TCERG1L: variants seen among roughly 807,000 people sequenced by gnomAD.
The protein encoded by TCERG1L is transcription elongation regulator 1-like protein.
TCERG1L carries 37 observed loss-of-function variants against 56.3 expected under a neutral mutation model. The ratio of observed to expected loss-of-function variants is 0.66; its 90% CI spans 0.51 to 0.87. The LOEUF (loss-of-function observed/expected upper bound fraction) is 0.87, where lower values mean the gene tolerates loss of function less well. Among genes scored for constraint, TCERG1L ranks in the 40% least tolerant of loss-of-function variants. The probability of loss-of-function intolerance (pLI) is 0.00; values close to 1 mark genes in which losing one functional copy is unlikely to be tolerated. For missense variants in TCERG1L, 799 were observed against 774.2 expected, an observed-to-expected ratio of 1.03 and a Z score of -0.38; for synonymous variants, 324 against 326.3, an observed-to-expected ratio of 0.99 and a Z score of 0.08.
intron 3 of TCERG1L, among the ~76,000 whole-genome samples, chr10:131,294,313 C>T (rs533007556): frequency 6.1e-4 from 93 of 152,240 alleles, no homozygotes; most frequent in South Asian, 2.5e-3. Context: ...CACTCTACAG[C>T]GCCACACAGT....
intron 3 of TCERG1L, among the ~76,000 whole-genome samples, chr10:131,278,521 T>C (rs548884014): frequency 6.6e-6 from 1 of 151,226 alleles, no homozygotes; most frequent in Non-Finnish European, 1.5e-5. Flanking sequence ...TTTTGTATTG[T>C]TAGTAGAGAC....
intron 4 of TCERG1L, among the ~76,000 whole-genome samples, chr10:131,257,041 G>GAA (rs1408681239): frequency 4.1e-4 from 57 of 137,926 alleles, no homozygotes; most frequent in African/African-American, 1.6e-3. Context: ...AAGAAAGAAA[G>GAA]AAAGAAAGAA....
chr10:131,258,232 G>A (rs193163073), intron 4 of TCERG1L, among the ~76,000 whole-genome samples: 2 of 152,348 alleles, frequency 1.3e-5, no homozygotes, highest in East Asian at 1.9e-4. Context: ...TGCTCCCATC[G>A]TTCTGTGGGC....
At chr10:131,134,780 C>T (rs1020648039) in intron 7 of TCERG1L, among the ~76,000 whole-genome samples, 22 of 152,154 alleles carry the variant, frequency 1.4e-4, no homozygotes, top group African/African-American at 5.1e-4. Context: ...ATGAGCAAAT[C>T]TATGTCATGT....
chr10:131,149,129 G>C (rs1002283033), intron 6 of TCERG1L, among the ~76,000 whole-genome samples: 1 of 152,258 alleles, frequency 6.6e-6, no homozygotes, highest in Non-Finnish European at 1.5e-5. Flanking sequence ...CTTCAGATGG[G>C]GGGTGGAATG....
intron 7 of TCERG1L, among the ~76,000 whole-genome samples, chr10:131,137,036 A>T (rs535992104): frequency 1.3e-5 from 2 of 152,058 alleles, no homozygotes; most frequent in East Asian, 4.0e-4. Flanking sequence ...GCTACTCAGG[A>T]GGCTGAGGCA....
chr10:131,308,089 G>A (rs907521594), intron 3 of TCERG1L, 122 bp downstream of exon 3: 8 of 1,081,252 alleles, frequency 7.4e-6, no homozygotes, highest in Middle Eastern at 2.2e-4. Context: ...TTGTGAAAAG[G>A]AATTATATTT....
chr10:131,208,864 T>C (rs1220240348), intron 4 of TCERG1L, among the ~76,000 whole-genome samples: 2 of 152,170 alleles, frequency 1.3e-5, no homozygotes, highest in Non-Finnish European at 2.9e-5. Flanking sequence ...GAGACCATCC[T>C]GGCTAACATG....
chr10:131,142,878 C>T (rs1429685212), intron 7 of TCERG1L, among the ~76,000 whole-genome samples: 1 of 152,204 alleles, frequency 6.6e-6, no homozygotes, highest in Non-Finnish European at 1.5e-5. Context: ...ATGGAGGTTG[C>T]TAAACAGCTC....
chr10:131,201,752 T>TG (rs1845438297), intron 4 of TCERG1L, among the ~76,000 whole-genome samples: 1 of 152,228 alleles, frequency 6.6e-6, no homozygotes, highest in Non-Finnish European at 1.5e-5. Flanking sequence ...GATGTCCTCA[T>TG]GCGTCCTTCT....
chr10:131,295,364 C>G (rs1846678525), intron 3 of TCERG1L, among the ~76,000 whole-genome samples: 1 of 152,136 alleles, frequency 6.6e-6, no homozygotes, highest in African/African-American at 2.4e-5. Flanking sequence ...ACAACCTGCT[C>G]AACTGACTTT....
chr10:131,194,587 T>C (rs1845337405), intron 4 of TCERG1L, among the ~76,000 whole-genome samples: 1 of 152,224 alleles, frequency 6.6e-6, no homozygotes, highest in African/African-American at 2.4e-5. Context: ...CCAGGTTTTC[T>C]GTTATATTGA....
At chr10:131,213,282 C>A (rs1845635349) in intron 4 of TCERG1L, among the ~76,000 whole-genome samples, 1 of 152,222 alleles carries the variant, frequency 6.6e-6, no homozygotes, top group African/African-American at 2.4e-5. Flanking sequence ...CTCATCAGAA[C>A]CCACACCTGC....
At chr10:131,131,154 T>G (rs1319464452) in intron 8 of TCERG1L, among the ~76,000 whole-genome samples, 1 of 152,178 alleles carries the variant, frequency 6.6e-6, no homozygotes, top group Admixed American at 6.5e-5. Context: ...ACAGGTGTGA[T>G]TCGAGCCGCG....
chr10:131,108,922 C>A (rs749411727), intron 9 of TCERG1L, among the ~76,000 whole-genome samples: 4 of 152,228 alleles, frequency 2.6e-5, no homozygotes, highest in Non-Finnish European at 4.4e-5. Flanking sequence ...AGGGCCCCCA[C>A]AGTGGGGCAG....
At chr10:131,182,993 T>A (rs961869453) in intron 4 of TCERG1L, among the ~76,000 whole-genome samples, 8 of 152,232 alleles carry the variant, frequency 5.3e-5, no homozygotes, top group Non-Finnish European at 1.0e-4. Context: ...AGTGCAGTGC[T>A]TATGGCATTG....
At chr10:131,289,145 T>TC (rs66462719) in intron 3 of TCERG1L, among the ~76,000 whole-genome samples, 1 of 22,848 alleles carries the variant, frequency 4.4e-5, no homozygotes, top group Admixed American at 3.7e-4. Flanking sequence ...AAAGTCTTGA[T>TC]TTTTTTTTTT....
chr10:131,211,663 C>T (rs1589750388), intron 4 of TCERG1L, among the ~76,000 whole-genome samples: 1 of 152,146 alleles, frequency 6.6e-6, no homozygotes, highest in East Asian at 1.9e-4. Flanking sequence ...AACACTTCAA[C>T]CTTCAAACAA....
At position 131,260,716 on chromosome 10, in the gene TCERG1L, G is replaced by C. The variant is rs943741247; in HGVS notation, c.671-272C>G. Among the ~76,000 whole-genome samples the C allele has an allele frequency of 6.6e-6, 1 of 152,202 alleles. No homozygotes were observed. The highest frequency in any genetic ancestry group is 1.5e-5 in the Non-Finnish European group (1 of 68,040). On this transcript the variant is annotated intron_variant, in intron 3 of 11. Transcript: ENST00000368642. This position sits in a 1 kb window ranked among gnomAD's most constrained non-coding sequence, Gnocchi z 5.8. ...AAGGCTTACAGTCACCAGGGGACGA[G>C]CCAGGACCCGGGTGCCTTAAAGAGA...
Sources: gnomAD v4.1 joint callset for allele counts (sites outside exome capture counted in the v4.1 genomes callset) on GRCh38, gnomAD v4.1.1 for gene constraint, Gnocchi (gnomAD v3.1) non-coding constraint, MANE v1.5 for transcripts, NCBI Gene and HGNC (gene_info 2026-07-23, HGNC 2026-07-21) for gene names.